Variants in DCDC2 observed in about 807,000 individuals in gnomAD.
DCDC2 encodes doublecortin domain containing 2.
DCDC2 carries 40 observed loss-of-function variants against 50.2 expected under a neutral mutation model. That is an observed-to-expected ratio of 0.80 (90% CI 0.62 to 1.04). The LOEUF (loss-of-function observed/expected upper bound fraction) is 1.04, where lower values mean the gene tolerates loss of function less well. DCDC2 is among the 50% of genes least tolerant of loss of function. DCDC2 has a pLI of 0.00. For synonymous variants in DCDC2, 234 were observed against 210.6 expected, an observed-to-expected ratio of 1.11 and a Z score of -0.96; for missense variants, 570 against 581.9, an observed-to-expected ratio of 0.98 and a Z score of 0.21.
At chr6:24,299,202 T>C (rs1759321483) in intron 4 of DCDC2, among the ~76,000 whole-genome samples, 1 of 152,202 alleles carries the variant, frequency 6.6e-6, no homozygotes, top group Admixed American at 6.5e-5. Context: ...TGGATGCAGC[T>C]GGAGGCCATA....
In DCDC2 at chr6:24,290,986, T is replaced by A. The variant is rs1357403456; in HGVS notation, c.650A>T (p.Lys217Ile). 4 of 1,614,058 alleles carry A rather than the reference T, an allele frequency of 2.5e-6. No homozygotes were observed. The Admixed American group carries it at 6.7e-5, about 27-fold the overall frequency. The change falls in exon 5 of 10, where the codon AAA (lysine) becomes ATA (isoleucine). Residue 217 changes from lysine (K) to isoleucine (I), a missense_variant. By Grantham distance (102) the Lys-to-Ile change is moderately radical. Coordinates refer to ENST00000378454, the MANE Select transcript of DCDC2 (RefSeq NM_016356.5). Reference protein sequence around the residue: ...YVAVGRDKFKKLPYSELLFDK... With the variant: ...YVAVGRDKFKILPYSELLFDK... ...AAAAAGTAACTCACTGTAAGGCAGT[T>A]TCTTAAACTTATCTCTGCCAACAGC...
intron 7 of DCDC2, among the ~76,000 whole-genome samples, chr6:24,230,809 G>T (rs1762324349): frequency 6.6e-6 from 1 of 152,152 alleles, no homozygotes; most frequent in Non-Finnish European, 1.5e-5. Flanking sequence ...TTCACTAAAA[G>T]AACTAGTCCT....
At chr6:24,230,528 C>CA (rs1422580090) in intron 7 of DCDC2, among the ~76,000 whole-genome samples, 50 of 152,170 alleles carry the variant, frequency 3.3e-4, no homozygotes, top group African/African-American at 1.2e-3. Context: ...CCTCTGGTCC[C>CA]AGCTACTTGA....
rs540482558 is a variant in DCDC2, at chr6:24,288,636, C to T, written c.759+216G>A. On this transcript the variant is annotated intron_variant, in intron 6 of 9. Transcript: ENST00000378454. The stretch of plus-strand genomic sequence containing the variant: ...ATATAAATTATGTCAGGTGTATATA[C>T]AAGGAAAAAATTTTAAAATACATAT... 7.0e-4 allele frequency among the ~76,000 whole-genome samples: 106 copies of T among 152,094 alleles called. 1 individual carries two copies. The highest frequency in any genetic ancestry group is 2.3e-3 in the African/African-American group (94 of 41,488).
chr6:24,300,994 T>C (rs925259851), intron 4 of DCDC2, among the ~76,000 whole-genome samples: 4 of 151,946 alleles, frequency 2.6e-5, no homozygotes, highest in African/African-American at 9.7e-5. Flanking sequence ...CTTCCTGATA[T>C]CTGATTTTTA....
chr6:24,359,497 T>C (rs1263861508), upstream of DCDC2, among the ~76,000 whole-genome samples: 14 of 98,604 alleles, frequency 1.4e-4, 1 homozygote, highest in South Asian at 3.2e-3. Context: ...TAATATATTA[T>C]ATATATTTTA....
At chr6:24,359,217 T>C (rs1234022935), upstream of DCDC2, among the ~76,000 whole-genome samples, 2 of 70,754 alleles carry the variant, frequency 2.8e-5, no homozygotes, top group Non-Finnish European at 4.6e-5. Context: ...TTATATATTA[T>C]ATATTTTATA....
rs570862673 is a variant in DCDC2 at position 24,224,955 on chromosome 6, G to A, written c.923-19853C>T. Among the ~76,000 whole-genome samples the A allele has an allele frequency of 3.3e-5, 5 of 152,310 alleles. No individual in the cohort carries two copies. The East Asian group carries it at 9.6e-4, about 29-fold the overall frequency. ...ATCTTTATATCCTTAGCATCTAACA[G>A]AGTTATGCAACCAATTAAAAACATA... On this transcript the variant is annotated intron_variant, in intron 7 of 9. Coordinates refer to ENST00000378454, the MANE Select transcript of DCDC2 (RefSeq NM_016356.5).
At chr6:24,255,228 C>T (rs1478561379) in intron 7 of DCDC2, among the ~76,000 whole-genome samples, 1 of 151,934 alleles carries the variant, frequency 6.6e-6, no homozygotes, top group Non-Finnish European at 1.5e-5. Context: ...GTGGCATTTT[C>T]AACAAATTGT....
chr6:24,358,354 C>G (rs1321487506), upstream of DCDC2: 1 of 168,854 alleles, frequency 5.9e-6, no homozygotes, highest in South Asian at 2.0e-4. Flanking sequence ...CTTACGCCTG[C>G]AAATTCCAGT....
intron 6 of DCDC2, among the ~76,000 whole-genome samples, chr6:24,286,878 GT>G (rs1763622927): frequency 6.6e-6 from 1 of 152,088 alleles, no homozygotes; most frequent in South Asian, 2.1e-4. Flanking sequence ...CAAATCCTTT[GT>G]TCCTTGGTTT....
chr6:24,176,964 G>A (rs1402264563), intron 9 of DCDC2, among the ~76,000 whole-genome samples: 1 of 152,260 alleles, frequency 6.6e-6, no homozygotes, highest in Admixed American at 6.5e-5. Context: ...TATATTTATG[G>A]AAGATGGAAG....
rs544993843 is a variant in DCDC2 at position 24,190,308 on chromosome 6, T to TA, written c.1024-11677dup. ...TGGCATGAATATATTTAATCATCAA[T>TA]AAAAAAAATTCTCATTGTTCAATTC... On this transcript the variant is annotated intron_variant, in intron 8 of 9. Coordinates refer to ENST00000378454, the MANE Select transcript of DCDC2 (RefSeq NM_016356.5). Among the ~76,000 whole-genome samples the TA allele has an allele frequency of 1.2e-4, 19 of 152,054 alleles. No individual in the cohort carries two copies. The South Asian group carries it at 1.9e-3, about 15-fold the overall frequency.
At chr6:24,308,668 G>A (rs4712818) in intron 2 of DCDC2, among the ~76,000 whole-genome samples, 70,107 of 151,942 alleles carry the variant, frequency 0.46, 19,663 homozygotes, top group Non-Finnish European at 0.6. Context: ...TTATAAATAC[G>A]TTAAAAAATT....
chr6:24,359,100 TTTATATA>T (rs1561788904), upstream of DCDC2, among the ~76,000 whole-genome samples: 4 of 59,578 alleles, frequency 6.7e-5, no homozygotes, highest in African/African-American at 8.0e-5. Context: ...TATTATATAT[TTTATATA>T]TTATATATTA....
chr6:24,361,851 C>G (rs186332944), upstream of DCDC2, among the ~76,000 whole-genome samples: 1 of 152,136 alleles, frequency 6.6e-6, no homozygotes, highest in East Asian at 1.9e-4. Flanking sequence ...ATCTCCAACC[C>G]GGATGTGTCT....
intron 4 of DCDC2, among the ~76,000 whole-genome samples, chr6:24,298,774 T>C (rs1042816060): frequency 5.9e-5 from 9 of 152,262 alleles, no homozygotes; most frequent in Admixed American, 3.3e-4. Flanking sequence ...CAGGTAACAG[T>C]ATGACAAACA....
chr6:24,346,057 T>C (rs537617532), intron 2 of DCDC2, among the ~76,000 whole-genome samples: 58 of 151,172 alleles, frequency 3.8e-4, no homozygotes, highest in African/African-American at 1.3e-3. Context: ...CACACACTTG[T>C]AGTCCCAGCT....
intron 6 of DCDC2, among the ~76,000 whole-genome samples, chr6:24,284,684 C>T (rs570434222): frequency 1.3e-5 from 2 of 152,016 alleles, no homozygotes; most frequent in South Asian, 4.2e-4. Flanking sequence ...AATGGCACCC[C>T]ATCAAGAAAT....
Sources: allele counts gnomAD v4.1 joint callset (sites outside exome capture counted in the v4.1 genomes callset), GRCh38; gene constraint gnomAD v4.1.1; transcripts MANE v1.5; gene names NCBI Gene and HGNC (gene_info 2026-07-23, HGNC 2026-07-21).